Variants in ANKRD6 observed in about 807,000 individuals in gnomAD.
ANKRD6 encodes the protein ankyrin repeat domain-containing protein 6.
In ANKRD6, 56 loss-of-function variants were observed where a neutral mutation model predicts 82.3. The observed-to-expected ratio is 0.68, with a 90% CI of 0.55 to 0.85. The LOEUF (loss-of-function observed/expected upper bound fraction) is 0.85, where lower values mean the gene tolerates loss of function less well. ANKRD6 is among the 40% of genes least tolerant of loss of function. ANKRD6 has a pLI of 0.00. For synonymous variants in ANKRD6, 347 were observed against 352.1 expected, an observed-to-expected ratio of 0.99 and a Z score of 0.16; for missense variants, 852 against 907.6, an observed-to-expected ratio of 0.94 and a Z score of 0.79.
chr6:89,609,104 G>T (rs1269179963), intron 5 of ANKRD6, among the ~76,000 whole-genome samples: 1 of 152,128 alleles, frequency 6.6e-6, no homozygotes, highest in South Asian at 2.1e-4. Context: ...CCTTGGCACC[G>T]CATGCAGCTT....
At position 89,566,994 on chromosome 6, in the gene ANKRD6, G is replaced by A. The variant is rs376964527; in HGVS notation, c.18G>A (p.Ala6=). ...CCTAATTCATGAGCCAGCAAGATGC[G>A]GTCGCTGCACTTTCAGAGCGCCTTC... MSQQD[A]VAALSERLLV... The change falls in exon 2 of 16, where the codon GCG becomes GCA. Residue 6 remains alanine (A), a synonymous_variant. Transcript: ENST00000339746. 5.0e-6 allele frequency: 8 copies of A among 1,596,826 alleles called. No individual in the cohort carries two copies. The highest frequency in any genetic ancestry group is 2.7e-5 in the African/African-American group (2 of 74,618).
chr6:89,628,321 T>G (rs1219882720), intron 14 of ANKRD6: 1 of 160,164 alleles, frequency 6.2e-6, no homozygotes, highest in Admixed American at 6.2e-5. Context: ...ACAAGAAGCA[T>G]GCTGCCAACA....
At chr6:89,522,162 A>G (rs369045680) in intron 1 of ANKRD6, among the ~76,000 whole-genome samples, 7 of 152,276 alleles carry the variant, frequency 4.6e-5, no homozygotes, top group Admixed American at 3.3e-4. Flanking sequence ...GGAATTCTCT[A>G]GCTAATTCTG....
At chr6:89,611,171 A>ATTT (rs55967563) in intron 5 of ANKRD6, among the ~76,000 whole-genome samples, 1 of 147,442 alleles carries the variant, frequency 6.8e-6, no homozygotes, top group Non-Finnish European at 1.5e-5. Context: ...GTATTCCTCT[A>ATTT]TTTTTTTTTT....
At chr6:89,570,093 T>A (rs1404280341) in intron 2 of ANKRD6, among the ~76,000 whole-genome samples, 1 of 117,026 alleles carries the variant, frequency 8.5e-6, no homozygotes, top group African/African-American at 3.3e-5. Context: ...GTGTGTATAA[T>A]TTATTTAAGA....
intron 1 of ANKRD6, among the ~76,000 whole-genome samples, chr6:89,488,156 T>A (rs1003481311): frequency 7.2e-5 from 11 of 152,238 alleles, no homozygotes; most frequent in African/African-American, 2.4e-4. Context: ...CAGCATGTTG[T>A]GACCTAGCCA....
Position 89,629,099 on chromosome 6 carries a change from T to TTG in ANKRD6, c.1486-12_1486-11insGT, listed in dbSNP as rs763549354. On this transcript the variant is annotated splice_polypyrimidine_tract_variant and intron_variant, in intron 14 of 15. Coordinates refer to ENST00000339746, the MANE Select transcript of ANKRD6 (RefSeq NM_001242809.2). ...CTATGTACTTATTTGTGGGGTTTGT[T>TTG]TTTTTTTTTAAGATATCCTTGGTGG... is the stretch of plus-strand genomic sequence containing the variant. 1.0e-5 allele frequency: 16 copies of TTG among 1,595,638 alleles called. No homozygotes were observed. The Middle Eastern group carries it at 5.1e-4, about 51-fold the overall frequency.
intron 1 of ANKRD6, among the ~76,000 whole-genome samples, chr6:89,529,454 G>T (rs1782885339): frequency 6.6e-6 from 1 of 152,228 alleles, no homozygotes; most frequent in African/African-American, 2.4e-5. Flanking sequence ...TTTGGTTCAA[G>T]GGAATGTTGT....
intron 1 of ANKRD6, among the ~76,000 whole-genome samples, chr6:89,465,882 T>A (rs916155212): frequency 2.1e-4 from 32 of 151,662 alleles, no homozygotes; most frequent in Admixed American, 1.1e-3. Flanking sequence ...TAAATTAATT[T>A]AAAAAAAAAT....
intron 1 of ANKRD6, among the ~76,000 whole-genome samples, chr6:89,543,127 C>T (rs756747280): frequency 5.3e-5 from 8 of 152,154 alleles, no homozygotes; most frequent in Non-Finnish European, 7.3e-5. Flanking sequence ...GAATGTCAGA[C>T]GTGGCGAAAG....
At chr6:89,611,387 T>C (rs1382925154) in intron 5 of ANKRD6, among the ~76,000 whole-genome samples, 3 of 152,216 alleles carry the variant, frequency 2.0e-5, no homozygotes, top group Non-Finnish European at 2.9e-5. Flanking sequence ...TTTAACCTCC[T>C]GAGTGCTTGC....
chr6:89,631,271 G>C lies in ANKRD6; in HGVS notation c.*267G>C, dbSNP rs1807338784. The C allele has an allele frequency of 7.9e-6, 3 of 377,810 alleles. No individual in the cohort carries two copies. Among genetic ancestry groups the C allele is most frequent in the Non-Finnish European group, 1.3e-5 (3 of 234,170 alleles). 23.4% of individuals were successfully genotyped at this position (377,810 alleles called of 1,614,324 possible). A position where few individuals can be genotyped will look rare whatever the true frequency, so the allele number is the denominator to read the frequency against. ...CTCAGTCCAGGTTAATCTGAAGTTT[G>C]AAAGCTCAGATTAAGCAAGCCATGC... On this transcript the variant is annotated 3_prime_UTR_variant, in exon 16 of 16. Coordinates refer to ENST00000339746, the MANE Select transcript of ANKRD6 (RefSeq NM_001242809.2).
At chr6:89,628,621 T>C (rs1307755698) in intron 14 of ANKRD6, among the ~76,000 whole-genome samples, 1 of 151,908 alleles carries the variant, frequency 6.6e-6, no homozygotes, top group Non-Finnish European at 1.5e-5. Flanking sequence ...TACAAAAAAC[T>C]TAGTCAGGCG....
chr6:89,504,460 G>T (rs192511270), intron 1 of ANKRD6, among the ~76,000 whole-genome samples: 1 of 152,226 alleles, frequency 6.6e-6, no homozygotes, highest in Admixed American at 6.5e-5. Flanking sequence ...CTGGAGTGCA[G>T]TGGCACGATC....
chr6:89,599,743 G>A, intron 3 of ANKRD6, among the ~76,000 whole-genome samples: 1 of 152,182 alleles, frequency 6.6e-6, no homozygotes, highest in East Asian at 1.9e-4. Context: ...TCACCTCAGA[G>A]CCTTTAATTC....
chr6:89,544,255 C>T (rs1398783470), intron 1 of ANKRD6, among the ~76,000 whole-genome samples: 1 of 152,236 alleles, frequency 6.6e-6, no homozygotes, highest in East Asian at 1.9e-4. Context: ...TGTGCTCAGG[C>T]CGCAAGGAGC....
chr6:89,466,798 C>T (rs183877107), intron 1 of ANKRD6, among the ~76,000 whole-genome samples: 3 of 152,222 alleles, frequency 2.0e-5, no homozygotes, highest in Admixed American at 2.0e-4. Flanking sequence ...CCTCAACCTC[C>T]CAGGCTCAAG....
chr6:89,572,165 C>G (rs1583372363), intron 2 of ANKRD6, among the ~76,000 whole-genome samples: 2 of 152,214 alleles, frequency 1.3e-5, no homozygotes, highest in Non-Finnish European at 2.9e-5. Context: ...GTTTTGGAAG[C>G]ATTCACCTAC....
chr6:89,510,177 G>C (rs1188261608), intron 1 of ANKRD6, among the ~76,000 whole-genome samples: 1 of 152,224 alleles, frequency 6.6e-6, no homozygotes, highest in Non-Finnish European at 1.5e-5. Flanking sequence ...GGGCAAGTTG[G>C]AGAGGAAACA....
Sources: allele counts gnomAD v4.1 joint callset (sites outside exome capture counted in the v4.1 genomes callset), GRCh38; gene constraint gnomAD v4.1.1; transcripts MANE v1.5; gene names NCBI Gene and HGNC (gene_info 2026-07-23, HGNC 2026-07-21).